Variants in A2M observed in about 807,000 individuals in gnomAD.
The protein encoded by A2M is C3 and PZP-like alpha-2-macroglobulin domain-containing protein 5.
Under a neutral mutation model 183.9 loss-of-function variants are expected in A2M, and 128 were observed. The observed-to-expected ratio is 0.70, with a 90% confidence interval of 0.60 to 0.81. The LOEUF is 0.81. Ranked by LOEUF, A2M falls within the 30% of genes least tolerant of loss-of-function variation. A2M has a pLI of 0.00. For synonymous variants in A2M, 592 were observed against 670.8 expected, an observed-to-expected ratio of 0.88 and a Z score of 1.81; for missense variants, 1,495 against 1,787.6, an observed-to-expected ratio of 0.84 and a Z score of 2.95.
At chr12:9,079,143 G>T in intron 25 of A2M, 101 bp downstream of exon 25, 1 of 907,172 alleles carries the variant, frequency 1.1e-6, no homozygotes, top group Non-Finnish European at 1.7e-6. Flanking sequence ...CCATCGGTCT[G>T]ATAATACATA....
intron 28 of A2M, 53 bp downstream of exon 28, chr12:9,076,703 C>A: frequency 6.3e-7 from 1 of 1,591,752 alleles, no homozygotes. Flanking sequence ...TTTTGCCATG[C>A]AGTTCTTGAT....
intron 7 of A2M, 128 bp downstream of exon 7, chr12:9,109,193 G>A (rs1938535942): frequency 1.5e-6 from 1 of 651,598 alleles, no homozygotes; most frequent in African/African-American, 1.8e-5. Context: ...TTCTACAGAT[G>A]AGGATGCTGT....
In A2M at chr12:9,074,802, A is replaced by G. The variant is rs369316284; in HGVS notation, c.3533-19T>C. ...GAGTTGTCTTAAAGATGAGAAAAAGATATTTATAAGTGCCTACATATTTAT... is the reference window on the plus strand; with the variant it reads ...GAGTTGTCTTAAAGATGAGAAAAAGGTATTTATAAGTGCCTACATATTTAT... On this transcript the variant is annotated intron_variant, in intron 28 of 35. Transcript: ENST00000318602. 6.3e-6 allele frequency: 10 copies of G among 1,585,402 alleles called. No homozygotes were observed. The Admixed American group carries it at 1.3e-4, about 20-fold the overall frequency.
intron 12 of A2M, 114 bp downstream of exon 12, chr12:9,101,333 A>T (rs1937830407): frequency 7.4e-7 from 1 of 1,351,926 alleles, no homozygotes; most frequent in East Asian, 2.5e-5. Context: ...TCAAACTTTC[A>T]AAAGGAACAT....
intron 7 of A2M, among the ~76,000 whole-genome samples, chr12:9,109,048 G>GTT (rs1327042242): frequency 1.3e-5 from 2 of 151,978 alleles, no homozygotes; most frequent in Admixed American, 1.3e-4. Flanking sequence ...GTGTGTGTGT[G>GTT]TGTGCAGTTT....
rs1434531034 is a variant in A2M at position 9,079,511 on chromosome 12, TTAAC to T, written c.3031+124_3031+127del. ...TGGAGAGTGGATAGTTTCCTTGAAA[TTAAC>T]TATCATAGCAGCTATCATAGTGAGC... On this transcript the variant is annotated intron_variant, in intron 24 of 35. Coordinates refer to ENST00000318602, the MANE Select transcript of A2M (RefSeq NM_000014.6). The T allele has an allele frequency of 1.4e-5, 15 of 1,076,462 alleles. No individual in the cohort carries two copies. In the African/African-American group the frequency reaches 2.4e-4, roughly 17 times the overall value. The allele number at this position is 1,076,462 out of a possible 1,614,324, so 66.7% of individuals were successfully genotyped here.
At chr12:9,112,639 C>T in intron 2 of A2M, 103 bp from the exon 3 acceptor site, 1 of 1,268,142 alleles carries the variant, frequency 7.9e-7, no homozygotes, top group Non-Finnish European at 1.1e-6. Context: ...TCTTACTTAA[C>T]TTCACTCCCT....
intron 11 of A2M, 38 bp downstream of exon 11, chr12:9,104,201 G>A (rs767448495): frequency 4.2e-5 from 67 of 1,590,672 alleles, no homozygotes; most frequent in Non-Finnish European, 5.6e-5. Flanking sequence ...TGTTTCCAAG[G>A]CTACTTCATG....
At chr12:9,085,334 A>G (rs935250296) in intron 22 of A2M, among the ~76,000 whole-genome samples, 7 of 152,132 alleles carry the variant, frequency 4.6e-5, no homozygotes, top group Non-Finnish European at 2.9e-5. Context: ...CAATACTATG[A>G]AAACTAGAAA....
At position 9,106,357 on chromosome 12, in the gene A2M, G is replaced by GA. The variant is rs746739843; in HGVS notation, c.995-13dup. 8 of 1,568,092 alleles carry GA rather than the reference G, an allele frequency of 5.1e-6. No homozygotes were observed. The highest frequency in any genetic ancestry group is 2.3e-5 in the East Asian group (1 of 44,398). On this transcript the variant is annotated splice_polypyrimidine_tract_variant and intron_variant, in intron 9 of 35. Coordinates refer to ENST00000318602, the MANE Select transcript of A2M (RefSeq NM_000014.6). ...AGTCAATTCCACCACTGAAAAAAGAGAAAAAAATCTGTTATTTTTGGGAAG... is the reference window on the plus strand; with the variant it reads ...AGTCAATTCCACCACTGAAAAAAGAGAAAAAAAATCTGTTATTTTTGGGAAG...
rs1360339631 is a variant in A2M, at chr12:9,073,077, T to TAG, written c.3757-207_3757-206insCT. ...CATATCTACCTTGGACTGTATGCCC[T>TAG]ACATGTTTATTTTATTTATCAGAAA... On this transcript the variant is annotated intron_variant, in intron 29 of 35. Coordinates refer to ENST00000318602, the MANE Select transcript of A2M (RefSeq NM_000014.6). 5.3e-4 allele frequency among the ~76,000 whole-genome samples: 80 copies of TAG among 152,378 alleles called. No individual in the cohort carries two copies. In the South Asian group the frequency reaches 6.0e-3, roughly 11 times the overall value.
At chr12:9,105,635 A>AT (rs1341760458) in intron 10 of A2M, among the ~76,000 whole-genome samples, 2 of 152,156 alleles carry the variant, frequency 1.3e-5, no homozygotes, top group Non-Finnish European at 2.9e-5. Flanking sequence ...GTAAGAGAAG[A>AT]TTTTTTTGGT....
intron 7 of A2M, 57 bp downstream of exon 7, chr12:9,109,264 A>G: frequency 7.0e-7 from 1 of 1,418,480 alleles, no homozygotes. Flanking sequence ...AAATATCCCA[A>G]ATGGTGAGTC....
chr12:9,090,916 A>G (rs1446240066), intron 19 of A2M, among the ~76,000 whole-genome samples: 1 of 152,338 alleles, frequency 6.6e-6, no homozygotes, highest in East Asian at 1.9e-4. Context: ...GAGATCGTAG[A>G]GGTTGAAACC....
intron 4 of A2M, chr12:9,111,541 T>C (rs1315495962): frequency 2.2e-6 from 1 of 456,454 alleles, no homozygotes; most frequent in Admixed American, 2.3e-5. Context: ...GCCAACATGA[T>C]TTTCCAGTGA....
rs750207185 is a variant in A2M at position 9,112,509 on chromosome 12, C to T, written c.298G>A (p.Val100Ile). ...TTCACTTGGACAGTGAGGAACATTA[C>T]CTCCTCATTGGATGAAGACTTTGGG... ...AVPKSSSNEE[V>I]MFLTVQVKGP... The change falls in exon 3 of 36, where the codon GTA becomes ATA. Residue 100 changes from valine to isoleucine, a missense_variant. Val to Ile is a conservative substitution (Grantham distance 29). Coordinates refer to ENST00000318602, the MANE Select transcript of A2M (RefSeq NM_000014.6). 3 of 1,613,630 alleles carry T rather than the reference C, an allele frequency of 1.9e-6. No individual in the cohort carries two copies. The highest frequency in any genetic ancestry group is 2.5e-6 in the Non-Finnish European group (3 of 1,179,786).
chr12:9,074,789 AG>A lies in A2M; in HGVS notation c.3533-7del. 1 of 1,602,036 alleles carries A rather than the reference AG, an allele frequency of 6.2e-7. No individual in the cohort carries two copies. The highest frequency in any genetic ancestry group is 8.5e-7 in the Non-Finnish European group (1 of 1,174,246). ...CTCCCAATGGACAGAGTTGTCTTAA[AG>A]ATGAGAAAAAGATATTTATAAGTGC... On this transcript the variant is annotated splice_polypyrimidine_tract_variant and splice_region_variant and intron_variant, in intron 28 of 35. Coordinates refer to ENST00000318602, the MANE Select transcript of A2M (RefSeq NM_000014.6).
At chr12:9,108,358 C>T (rs1938466637) in intron 7 of A2M, among the ~76,000 whole-genome samples, 1 of 152,116 alleles carries the variant, frequency 6.6e-6, no homozygotes, top group African/African-American at 2.4e-5. Flanking sequence ...GATCTCCTGA[C>T]CTCGTGATCT....
At position 9,090,474 on chromosome 12, in the gene A2M, C is replaced by T. The variant is rs776202305; in HGVS notation, c.2478G>A (p.Val826=). The part of the protein sequence containing the change: ...NYLPKCIRVS[V]QLEASPAFLA... ...GGAAGGCGGGAGAGGCTTCCAGCTG[C>T]ACACTGACCTGAAACCACACATAAG... Residue 826 remains valine, a synonymous_variant, in exon 20 of 36, where the codon GTG becomes GTA. Coordinates refer to ENST00000318602, the MANE Select transcript of A2M (RefSeq NM_000014.6). 1.9e-6 allele frequency: 3 copies of T among 1,613,696 alleles called. No homozygotes were observed. The highest frequency in any genetic ancestry group is 2.5e-6 in the Non-Finnish European group (3 of 1,179,786).
Sources: gnomAD v4.1 joint callset for allele counts (sites outside exome capture counted in the v4.1 genomes callset) on GRCh38, gnomAD v4.1.1 for gene constraint, MANE v1.5 for transcripts, NCBI Gene and HGNC (gene_info 2026-07-23, HGNC 2026-07-21) for gene names.